The following ID3 variants were observed in gnomAD, a reference collection of about 807,000 sequenced individuals.
ID3 encodes the protein DNA-binding protein inhibitor ID-3.
ID3 carries 4 observed loss-of-function variants against 9.6 expected under a neutral mutation model. The observed-to-expected ratio is 0.42, with a 90% CI of 0.21 to 0.96. The LOEUF is 0.96. ID3 is among the 40% of genes least tolerant of loss of function. The probability of loss-of-function intolerance (pLI) is 0.30; values close to 1 mark genes in which losing one functional copy is unlikely to be tolerated. For missense variants in ID3, 191 were observed against 164.5 expected (o/e 1.16, Z -0.88); for synonymous variants, 108 against 75.2 (o/e 1.44, Z -2.26).
rs777301893 is a variant in ID3, at chr1:23,559,345, G to T, written c.82C>A (p.Arg28=). ...TCCTCAGCTGCCGGGCCCTTCCCTC[G>T]GCCCCGGGCGATGGCCAGACTGCGT... is the stretch of plus-strand genomic sequence containing the variant. ...SERSLAIARG[R]GKGPAAEEPL... The change falls in exon 1 of 3, where the codon CGA becomes AGA. Residue 28 remains arginine, a synonymous_variant. Transcript: ENST00000374561. 6.2e-6 allele frequency: 10 copies of T among 1,613,168 alleles called. No homozygotes were observed. The highest frequency in any genetic ancestry group is 8.5e-6 in the Non-Finnish European group (10 of 1,180,012).
At chr1:23,558,599 A>G (rs1643677842) in intron 2 of ID3, 184 bp from the exon 3 acceptor site, 1 of 210,974 alleles carries the variant, frequency 4.7e-6, no homozygotes, top group South Asian at 8.6e-5. Context: ...AGCTTGCGCT[A>G]CCCCTCCTAC....
In ID3 at chr1:23,559,182, AC is replaced by A; in HGVS notation, c.244del (p.Val82Ter). On this transcript the variant is annotated frameshift_variant, in exon 1 of 3. Coordinates refer to ENST00000374561, the MANE Select transcript of ID3 (RefSeq NM_002167.5). LOFTEE classifies it high-confidence loss of function. ...RVIDYILDLQ[V>X]VLAEPAPGPP... The stretch of plus-strand genomic sequence containing the variant: ...TCCAGGGGCTGGCTCGGCCAGGACT[AC>A]CTGCAGGTCGAGAATGTAGTCGATG... 6.2e-7 allele frequency: 1 copy of A among 1,614,068 alleles called. No individual in the cohort carries two copies. Among genetic ancestry groups the A allele is most frequent in the South Asian group, 1.1e-5 (1 of 91,084 alleles).
Position 23,559,398 on chromosome 1 carries a change from C to G in ID3, c.29G>C (p.Cys10Ser), listed in dbSNP as rs1643691259. The change falls in exon 1 of 3, where the codon TGC (cysteine) becomes TCC (serine). Residue 10 changes from cysteine (C) to serine (S), a missense_variant. Physicochemically the swap from Cys to Ser is moderately radical, Grantham distance 112. Transcript: ENST00000374561. MKALSPVRGCYEAVCCLSER... is the reference protein window; with the variant it reads MKALSPVRGSYEAVCCLSER... Reference sequence around the variant, plus strand: ...CGACAGGCAGCACACCGCCTCGTAGCAGCCGCGCACCGGGCTCAGCGCCTT... The same window carrying G: ...CGACAGGCAGCACACCGCCTCGTAGGAGCCGCGCACCGGGCTCAGCGCCTT... 6.2e-7 allele frequency: 1 copy of G among 1,612,440 alleles called. No homozygotes were observed. Among genetic ancestry groups the G allele is most frequent in the South Asian group, 1.1e-5 (1 of 91,010 alleles).
chr1:23,558,830 C>A, intron 2 of ID3, 105 bp downstream of exon 2: 1 of 709,088 alleles, frequency 1.4e-6, no homozygotes, highest in Non-Finnish European at 2.5e-6. Flanking sequence ...TTGTCCCTCT[C>A]TGGCCTCAGT....
rs767969316 is a variant in ID3 at position 23,559,217 on chromosome 1, T to C, written c.210A>G (p.Leu70=). 3.7e-6 allele frequency: 6 copies of C among 1,614,188 alleles called. No homozygotes were observed. The South Asian group carries it at 6.6e-5, about 18-fold the overall frequency. ...RGTQLSQVEI[L]QRVIDYILDL... ...CGAGAATGTAGTCGATGACGCGCTGTAGGATTTCCACCTGGCTAAGCTGAG... is the reference window on the plus strand; with the variant it reads ...CGAGAATGTAGTCGATGACGCGCTGCAGGATTTCCACCTGGCTAAGCTGAG... The change falls in exon 1 of 3, where the codon CTA becomes CTG. Residue 70 remains leucine (L), a synonymous_variant. Transcript: ENST00000374561.
chr1:23,559,244 G>A lies in ID3; in HGVS notation c.183C>T (p.Gly61=), dbSNP rs2124330208. ...LRELVPGVPR[G]TQLSQVEILQ... is the part of the protein sequence containing the mutation. ...GGATTTCCACCTGGCTAAGCTGAGT[G>A]CCTCTCGGGACTCCGGGTACCAGTT... Residue 61 remains glycine, a synonymous_variant, in exon 1 of 3, where the codon GGC becomes GGT. Coordinates refer to ENST00000374561, the MANE Select transcript of ID3 (RefSeq NM_002167.5). 2 of 1,614,206 alleles carry A rather than the reference G, an allele frequency of 1.2e-6. No individual in the cohort carries two copies. The highest frequency in any genetic ancestry group is 1.1e-5 in the South Asian group (1 of 91,090).
Position 23,559,118 on chromosome 1 carries a change from G to A in ID3, c.300+9C>T, listed in dbSNP as rs761271826. ...GGGTGTTCAGCCCTGTCCCGACTTC[G>A]AGGCTTACCTGGATGGGAAGGTGGG... On this transcript the variant is annotated intron_variant, in intron 1 of 2. Coordinates refer to ENST00000374561, the MANE Select transcript of ID3 (RefSeq NM_002167.5). The A allele has an allele frequency of 9.9e-6, 16 of 1,613,460 alleles. No homozygotes were observed. The highest frequency in any genetic ancestry group is 1.3e-5 in the African/African-American group (1 of 75,036).
chr1:23,559,009 A>G lies in ID3; in HGVS notation c.311T>C (p.Leu104Pro). 6.2e-7 allele frequency: 1 copy of G among 1,614,154 alleles called. No homozygotes were observed. Among genetic ancestry groups the G allele is most frequent in the Non-Finnish European group, 8.5e-7 (1 of 1,180,006 alleles). Residue 104 changes from leucine to proline, a missense_variant, in exon 2 of 3, where the codon CTC (leucine) becomes CCC (proline). By Grantham distance (98) the Leu-to-Pro change is moderately conservative. Coordinates refer to ENST00000374561, the MANE Select transcript of ID3 (RefSeq NM_002167.5). The stretch of plus-strand genomic sequence containing the variant: ...GTTGGAGATGACAAGTTCCGGAGTG[A>G]GCTCGGCTGTCTGATTAGAGGAAAA... The part of the protein sequence containing the change: ...GPHLPIQTAE[L>P]TPELVISNDK...
In ID3 at chr1:23,558,975, C is replaced by T. The variant is rs141280661; in HGVS notation, c.345G>A (p.Arg115=). The T allele has an allele frequency of 9.2e-5, 149 of 1,613,986 alleles. No individual in the cohort carries two copies. Among genetic ancestry groups the T allele is most frequent in the Non-Finnish European group, 4.2e-5 (49 of 1,179,990 alleles). ...TPELVISNDK[R]SFCH ...CACGGCCGAGTCAGTGGCAAAAGCT[C>T]CTTTTGTCGTTGGAGATGACAAGTT... The change falls in exon 2 of 3, where the codon AGG becomes AGA. Residue 115 remains arginine, a synonymous_variant. Transcript: ENST00000374561.
chr1:23,558,880 G>C, intron 2 of ID3, 55 bp downstream of exon 2: 1 of 1,249,246 alleles, frequency 8.0e-7, no homozygotes, highest in Non-Finnish European at 1.2e-6. Flanking sequence ...CAAAACGTCT[G>C]CCAACTCCAG....
chr1:23,558,754 G>A lies in ID3; in HGVS notation c.*25+181C>T, dbSNP rs543810861. On this transcript the variant is annotated intron_variant, in intron 2 of 2. Transcript: ENST00000374561. Reference sequence around the variant, plus strand: ...GAGGGCAGGGCCCAGGCGCATTTAAGGCTTAAATGCACATCACATGGAAAC... The same window carrying A: ...GAGGGCAGGGCCCAGGCGCATTTAAAGCTTAAATGCACATCACATGGAAAC... The A allele has an allele frequency of 3.0e-5, 18 of 591,518 alleles. No individual in the cohort carries two copies. In the East Asian group the frequency reaches 5.1e-4, roughly 17 times the overall value. The allele number at this position is 591,518 out of a possible 1,614,324, so 36.6% of individuals were successfully genotyped here.
chr1:23,559,210 C>CGCGCTGTAGGATTTCCACCTG lies in ID3; in HGVS notation c.196_216dup (p.Gln66_Arg72dup). On this transcript the variant is annotated inframe_insertion, in exon 1 of 3. Transcript: ENST00000374561. Reference sequence around the variant, plus strand: ...TGCAGGTCGAGAATGTAGTCGATGACGCGCTGTAGGATTTCCACCTGGCTA... The same window carrying CGCGCTGTAGGATTTCCACCTG: ...TGCAGGTCGAGAATGTAGTCGATGACGCGCTGTAGGATTTCCACCTGGCGCTGTAGGATTTCCACCTGGCTA... 6.2e-7 allele frequency: 1 copy of CGCGCTGTAGGATTTCCACCTG among 1,614,188 alleles called. No individual in the cohort carries two copies. The highest frequency in any genetic ancestry group is 8.5e-7 in the Non-Finnish European group (1 of 1,180,032).
At chr1:23,558,825 C>T (rs1643680581) in intron 2 of ID3, 110 bp downstream of exon 2, 2 of 682,598 alleles carry the variant, frequency 2.9e-6, no homozygotes, top group Non-Finnish European at 5.2e-6. Flanking sequence ...GTCACTTGTC[C>T]CTCTCTGGCC....
intron 1 of ID3, 31 bp downstream of exon 1, chr1:23,559,096 T>C: frequency 1.2e-6 from 2 of 1,612,428 alleles, no homozygotes; most frequent in South Asian, 1.1e-5. Context: ...CTTGCCTGGG[T>C]GTTCAGCCCT....
intron 1 of ID3, 47 bp from the exon 2 acceptor site, chr1:23,559,066 T>C (rs1160074776): frequency 2.5e-6 from 4 of 1,611,864 alleles, no homozygotes; most frequent in Non-Finnish European, 3.4e-6. Context: ...AATCGGGAGC[T>C]CCGAGGGTCC....
rs1470870629 is a variant in ID3 at position 23,559,359 on chromosome 1, G to A, written c.68C>T (p.Ala23Val). Reference sequence around the variant, plus strand: ...GCCCTTCCCTCGGCCCCGGGCGATGGCCAGACTGCGTTCCGACAGGCAGCA... The same window carrying A: ...GCCCTTCCCTCGGCCCCGGGCGATGACCAGACTGCGTTCCGACAGGCAGCA... ...AVCCLSERSL[A>V]IARGRGKGPA... Residue 23 changes from alanine to valine, a missense_variant, in exon 1 of 3, where the codon GCC becomes GTC. Transcript: ENST00000374561. 1.2e-6 allele frequency: 2 copies of A among 1,613,280 alleles called. No individual in the cohort carries two copies. The highest frequency in any genetic ancestry group is 1.7e-6 in the Non-Finnish European group (2 of 1,180,022).
chr1:23,559,095 G>A, intron 1 of ID3, 32 bp downstream of exon 1: 1 of 1,612,846 alleles, frequency 6.2e-7, no homozygotes, highest in Non-Finnish European at 8.5e-7. Flanking sequence ...CCTTGCCTGG[G>A]TGTTCAGCCC....
At position 23,559,345 on chromosome 1, in the gene ID3, G is replaced by A; in HGVS notation, c.82C>T (p.Arg28Ter). The A allele has an allele frequency of 1.9e-6, 3 of 1,613,286 alleles. No individual in the cohort carries two copies. The highest frequency in any genetic ancestry group is 2.5e-6 in the Non-Finnish European group (3 of 1,180,004). The change falls in exon 1 of 3, where the codon CGA (arginine) becomes TGA (stop). Residue 28 changes from arginine to a stop codon, truncating the protein, a stop_gained. Coordinates refer to ENST00000374561, the MANE Select transcript of ID3 (RefSeq NM_002167.5). LOFTEE classifies it high-confidence loss of function. Reference sequence around the variant, plus strand: ...TCCTCAGCTGCCGGGCCCTTCCCTCGGCCCCGGGCGATGGCCAGACTGCGT... The same window carrying A: ...TCCTCAGCTGCCGGGCCCTTCCCTCAGCCCCGGGCGATGGCCAGACTGCGT... The part of the protein sequence containing the change: ...SERSLAIARG[R>*]GKGPAAEEPL...
Position 23,559,169 on chromosome 1 carries a change from C to T in ID3, c.258G>A (p.Glu86=), listed in dbSNP as rs370478639. Residue 86 remains glutamate, a synonymous_variant, in exon 1 of 3, where the codon GAG becomes GAA. Transcript: ENST00000374561. ...YILDLQVVLA[E]PAPGPPDGPH... ...GGCCATCAGGGGGTCCAGGGGCTGGCTCGGCCAGGACTACCTGCAGGTCGA... is the reference window on the plus strand; with the variant it reads ...GGCCATCAGGGGGTCCAGGGGCTGGTTCGGCCAGGACTACCTGCAGGTCGA... 7.4e-6 allele frequency: 12 copies of T among 1,614,198 alleles called. No individual in the cohort carries two copies. Among genetic ancestry groups the T allele is most frequent in the Non-Finnish European group, 9.3e-6 (11 of 1,180,040 alleles).
Sources: allele counts gnomAD v4.1 joint callset, GRCh38; gene constraint gnomAD v4.1.1; transcripts MANE v1.5; gene names NCBI Gene and HGNC (gene_info 2026-07-23, HGNC 2026-07-21).